PSMD1: variants seen among roughly 807,000 people sequenced by gnomAD.
The protein encoded by PSMD1 is 26S proteasome non-ATPase regulatory subunit 1.
PSMD1 carries 18 observed loss-of-function variants against 119.0 expected under a neutral mutation model. That is an observed-to-expected ratio of 0.15 (90% CI 0.10 to 0.22). The LOEUF (loss-of-function observed/expected upper bound fraction) is 0.22, where lower values mean the gene tolerates loss of function less well. Among genes scored for constraint, PSMD1 ranks in the 10% least tolerant of loss-of-function variants. The probability of loss-of-function intolerance (pLI) is 1.00; values close to 1 mark genes in which losing one functional copy is unlikely to be tolerated. For synonymous variants in PSMD1, 374 were observed against 396.6 expected (o/e 0.94, Z 0.68); for missense variants, 702 against 1,158.5 (o/e 0.61, Z 5.72).
chr2:231,140,823 A>G (rs565409554), intron 17 of PSMD1, among the ~76,000 whole-genome samples: 9 of 152,182 alleles, frequency 5.9e-5, no homozygotes, highest in African/African-American at 2.2e-4. Context: ...GGTTCCAGTA[A>G]GCCAAGATCA....
intron 20 of PSMD1, chr2:231,163,349 C>A: frequency 3.4e-6 from 1 of 292,848 alleles, no homozygotes; most frequent in Non-Finnish European, 6.4e-6. Context: ...ATCTGATGCT[C>A]ACACCATGAA....
chr2:231,083,411 A>T (rs1018124337), intron 13 of PSMD1, among the ~76,000 whole-genome samples, 156 bp from the exon 14 acceptor site: 1 of 152,270 alleles, frequency 6.6e-6, no homozygotes, highest in Non-Finnish European at 1.5e-5. Flanking sequence ...GTGCTTCCAC[A>T]TAAAGTATCC....
intron 16 of PSMD1, among the ~76,000 whole-genome samples, chr2:231,132,325 T>A (rs1695874542): frequency 6.6e-6 from 1 of 152,198 alleles, no homozygotes; most frequent in African/African-American, 2.4e-5. Context: ...TTCCTGTGAG[T>A]CAGTTTTCCC....
intron 6 of PSMD1, among the ~76,000 whole-genome samples, chr2:231,071,542 A>G (rs896778911): frequency 6.6e-6 from 1 of 152,064 alleles, no homozygotes; most frequent in African/African-American, 2.4e-5. Context: ...GCCCTACTTA[A>G]TCATTCCCCT....
At chr2:231,138,104 A>G (rs1696015138) in intron 16 of PSMD1, among the ~76,000 whole-genome samples, 1 of 152,188 alleles carries the variant, frequency 6.6e-6, no homozygotes, top group Admixed American at 6.5e-5. Context: ...GCCAGCCAGG[A>G]TCATCTTTTA....
intron 18 of PSMD1, among the ~76,000 whole-genome samples, chr2:231,147,699 A>G (rs1207124413): frequency 6.6e-6 from 1 of 152,218 alleles, no homozygotes; most frequent in Non-Finnish European, 1.5e-5. Context: ...ACAATTTCAG[A>G]TCTTCTAATT....
At chr2:231,154,137 A>G (rs1008468203) in intron 19 of PSMD1, among the ~76,000 whole-genome samples, 1 of 151,374 alleles carries the variant, frequency 6.6e-6, no homozygotes, top group African/African-American at 2.4e-5. Context: ...ACCAAAAAAA[A>G]GTACAGGCTG....
intron 16 of PSMD1, among the ~76,000 whole-genome samples, chr2:231,126,692 G>A (rs1208025351): frequency 2.0e-5 from 3 of 151,970 alleles, no homozygotes; most frequent in African/African-American, 4.8e-5. Flanking sequence ...TATTTTGCCT[G>A]TATTAATCCT....
chr2:231,116,128 T>G (rs1208987415), intron 16 of PSMD1, among the ~76,000 whole-genome samples: 2 of 152,182 alleles, frequency 1.3e-5, no homozygotes, highest in African/African-American at 4.8e-5. Context: ...TTCTCACTCT[T>G]AGCCATAGCA....
At chr2:231,137,523 C>CT (rs1341035803) in intron 16 of PSMD1, among the ~76,000 whole-genome samples, 4 of 151,888 alleles carry the variant, frequency 2.6e-5, no homozygotes, top group Admixed American at 6.6e-5. Context: ...AGCCTAGTTT[C>CT]TTTTTTTTCT....
chr2:231,158,084 G>A (rs957578761), intron 19 of PSMD1, among the ~76,000 whole-genome samples: 1 of 151,998 alleles, frequency 6.6e-6, no homozygotes, highest in African/African-American at 2.4e-5. Context: ...GCCGAGGTGG[G>A]TGGATCATTT....
intron 16 of PSMD1, among the ~76,000 whole-genome samples, chr2:231,127,195 G>C (rs1695744050): frequency 6.6e-6 from 1 of 150,424 alleles, no homozygotes; most frequent in African/African-American, 2.4e-5. Context: ...GCCTACTCCA[G>C]ATTTGAGTAA....
At chr2:231,108,988 G>A (rs373423199) in intron 16 of PSMD1, 1 of 1,614,058 alleles carries the variant, frequency 6.2e-7, no homozygotes, top group Non-Finnish European at 8.5e-7. Context: ...CAATCCCTAG[G>A]ACCTTTGAGG....
chr2:231,093,093 G>A (rs760182978), intron 16 of PSMD1, among the ~76,000 whole-genome samples: 4 of 152,180 alleles, frequency 2.6e-5, no homozygotes, highest in African/African-American at 4.8e-5. Context: ...GTCTGCCCAA[G>A]TAACAGGGCA....
At chr2:231,100,339 G>C (rs1451751147) in intron 16 of PSMD1, among the ~76,000 whole-genome samples, 2 of 152,200 alleles carry the variant, frequency 1.3e-5, no homozygotes, top group African/African-American at 4.8e-5. Flanking sequence ...GACGCACATG[G>C]CCCCTGCTGC....
chr2:231,159,919 A>T (rs149628629), intron 19 of PSMD1, among the ~76,000 whole-genome samples: 9 of 152,334 alleles, frequency 5.9e-5, no homozygotes, highest in Non-Finnish European at 1.3e-4. Context: ...GCGGTTCACA[A>T]TAAGGTTCAC....
At chr2:231,131,914 TTCTTG>T (rs1171433347) in intron 16 of PSMD1, among the ~76,000 whole-genome samples, 3 of 152,222 alleles carry the variant, frequency 2.0e-5, no homozygotes, top group African/African-American at 4.8e-5. Flanking sequence ...AATTTCTCAT[TTCTTG>T]TCTTAACACT....
In PSMD1 at chr2:231,078,515, G is replaced by T. The variant is rs904941506; in HGVS notation, c.1072-144G>T. ...AACTAGCTATTTAGTCTTTATAAAA[G>T]AAATACCCAAGATCCATATTTTAAA... On this transcript the variant is annotated intron_variant, in intron 9 of 24. Coordinates refer to ENST00000308696, the MANE Select transcript of PSMD1 (RefSeq NM_002807.4). 24 of 463,826 alleles carry T rather than the reference G, an allele frequency of 5.2e-5. No individual in the cohort carries two copies. The Admixed American group carries it at 9.9e-4, about 19-fold the overall frequency. The allele number at this position is 463,826 out of a possible 1,614,324, so 28.7% of individuals were successfully genotyped here.
At chr2:231,122,238 A>T (rs896679097) in intron 16 of PSMD1, among the ~76,000 whole-genome samples, 4 of 152,128 alleles carry the variant, frequency 2.6e-5, no homozygotes, top group African/African-American at 9.6e-5. Context: ...TTTAAAGCCC[A>T]GGTAAATGTT....
Sources: gnomAD v4.1 joint callset for allele counts (sites outside exome capture counted in the v4.1 genomes callset) on GRCh38, gnomAD v4.1.1 for gene constraint, MANE v1.5 for transcripts, NCBI Gene and HGNC (gene_info 2026-07-23, HGNC 2026-07-21) for gene names.